Variants in TET1 observed in about 807,000 individuals in gnomAD.
The protein encoded by TET1 is methylcytosine dioxygenase TET1.
A neutral mutation model predicts 148.7 loss-of-function variants in TET1; 13 were observed. The observed-to-expected ratio is 0.09, with a 90% confidence interval of 0.06 to 0.14. The LOEUF is 0.14. Ranked by LOEUF, TET1 falls within the 10% of genes least tolerant of loss-of-function variation. TET1 has a pLI of 1.00. For synonymous variants in TET1, 907 were observed against 937.2 expected (o/e 0.97, Z 0.59); for missense variants, 2,182 against 2,553.8 (o/e 0.85, Z 3.14).
chr10:68,574,279 G>T, intron 2 of TET1, 27 bp downstream of exon 2: 1 of 1,576,060 alleles, frequency 6.3e-7, no homozygotes, highest in Non-Finnish European at 8.6e-7. Flanking sequence ...GGGGCTGGGA[G>T]ACAGCTGACA....
rs2054443240 is a variant in TET1 at position 68,624,672 on chromosome 10, CT to C, written c.1969-20025del. ...TCTTTCTTTCTTTCTCTCTCTCTCT[CT>C]CTCTCTCTCTCTCTCTCTCTCTCTT... On this transcript the variant is annotated intron_variant, in intron 3 of 11. Coordinates refer to ENST00000373644, the MANE Select transcript of TET1 (RefSeq NM_030625.3). Among the ~76,000 whole-genome samples the C allele has an allele frequency of 2.9e-5, 3 of 103,530 alleles. No homozygotes were observed. In the Admixed American group the frequency reaches 3.1e-4, roughly 11 times the overall value. The allele number at this position is 103,530 out of a possible 152,430, so 67.9% of individuals were successfully genotyped here.
intron 3 of TET1, among the ~76,000 whole-genome samples, chr10:68,623,544 G>C (rs1056212313): frequency 2.0e-5 from 3 of 152,180 alleles, no homozygotes; most frequent in Non-Finnish European, 4.4e-5. Context: ...GCCCTTGAAG[G>C]TCTCTTCTAC....
intron 3 of TET1, among the ~76,000 whole-genome samples, chr10:68,622,164 CCCTT>C (rs1198639936): frequency 0.079 from 9,815 of 123,814 alleles, 523 homozygotes; most frequent in Middle Eastern, 0.11. Context: ...GATACCTATG[CCCTT>C]CCTTCCTTCC....
intron 8 of TET1, among the ~76,000 whole-genome samples, chr10:68,678,938 A>T (rs1046146483): frequency 4.6e-5 from 7 of 151,356 alleles, no homozygotes; most frequent in African/African-American, 1.7e-4. Context: ...CACTTTGGAA[A>T]GCTGAGGCAG....
chr10:68,630,343 G>A (rs1220455800), intron 3 of TET1, among the ~76,000 whole-genome samples: 3 of 152,156 alleles, frequency 2.0e-5, no homozygotes, highest in East Asian at 3.9e-4. Context: ...ACGGAGTGTC[G>A]CTCTGTTGCC....
chr10:68,646,562 C>G lies in TET1; in HGVS notation c.3833C>G (p.Thr1278Ser). The change falls in exon 4 of 12, where the codon ACT (threonine) becomes AGT (serine). Residue 1278 changes from threonine to serine, a missense_variant. This residue lies in a region of TET1 where 582 missense variants were observed against 599.5 expected (regional missense o/e 0.97). Transcript: ENST00000373644. Reference protein sequence around the residue: ...LKTESNGKAFTDKAYNSQVQL... With the variant: ...LKTESNGKAFSDKAYNSQVQL... ...ACGGAATCCAACGGGAAGGCATTCA[C>G]TGATAAAGCTTATAATTCTCAGGTA... 3 of 1,614,170 alleles carry G rather than the reference C, an allele frequency of 1.9e-6. No homozygotes were observed. Among genetic ancestry groups the G allele is most frequent in the Non-Finnish European group, 2.5e-6 (3 of 1,180,046 alleles).
chr10:68,679,511 A>C (rs1384268915), intron 8 of TET1, among the ~76,000 whole-genome samples: 1 of 152,268 alleles, frequency 6.6e-6, no homozygotes, highest in African/African-American at 2.4e-5. Flanking sequence ...TTCCACTTGT[A>C]GTAAAACACG....
intron 4 of TET1, among the ~76,000 whole-genome samples, chr10:68,649,845 G>T (rs1014954819): frequency 6.6e-6 from 1 of 152,138 alleles, no homozygotes; most frequent in Admixed American, 6.6e-5. Flanking sequence ...ATAAATACCT[G>T]CAGGGGACTC....
At chr10:68,624,469 A>C (rs1025545717) in intron 3 of TET1, among the ~76,000 whole-genome samples, 1 of 151,294 alleles carries the variant, frequency 6.6e-6, no homozygotes, top group Non-Finnish European at 1.5e-5. Flanking sequence ...TTATATTTTT[A>C]GTAGAGGCAG....
At chr10:68,683,273 A>C (rs977127605) in intron 10 of TET1, among the ~76,000 whole-genome samples, 4 of 151,666 alleles carry the variant, frequency 2.6e-5, no homozygotes, top group African/African-American at 4.9e-5. Flanking sequence ...CTTTTTTTTA[A>C]ATTTATTTAT....
At position 68,652,019 on chromosome 10, in the gene TET1, C is replaced by A. The variant is rs1048548531; in HGVS notation, c.4367+83C>A. ...GATAAATCATCTCTAAGAACAAACG[C>A]CGTGATTGAAAAATGATCAGGAGTA... On this transcript the variant is annotated intron_variant, in intron 5 of 11. Transcript: ENST00000373644. 2 of 1,275,008 alleles carry A rather than the reference C, an allele frequency of 1.6e-6. No individual in the cohort carries two copies. The highest frequency in any genetic ancestry group is 2.2e-6 in the Non-Finnish European group (2 of 900,542). 79.0% of individuals were successfully genotyped at this position (1,275,008 alleles called of 1,614,324 possible).
At position 68,638,765 on chromosome 10, in the gene TET1, TTGTGTGTGTGTGTGTGTGTGTG is replaced by T. The variant is rs59106736; in HGVS notation, c.1969-5908_1969-5887del. On this transcript the variant is annotated intron_variant, in intron 3 of 11. Coordinates refer to ENST00000373644, the MANE Select transcript of TET1 (RefSeq NM_030625.3). The stretch of plus-strand genomic sequence containing the variant: ...ACAGGAAATACTGCATGTATGGAGT[TTGTGTGTGTGTGTGTGTGTGTG>T]TGTGTGTGTGTGTGTGTGTGTGTGG... Among the ~76,000 whole-genome samples the T allele has an allele frequency of 3.5e-5, 5 of 140,912 alleles. No individual in the cohort carries two copies. The South Asian group carries it at 9.6e-4, about 27-fold the overall frequency. 92.4% of individuals were successfully genotyped at this position (140,912 alleles called of 152,430 possible).
At position 68,573,015 on chromosome 10, in the gene TET1, G is replaced by A; in HGVS notation, c.677G>A (p.Gly226Glu). 6.2e-7 allele frequency: 1 copy of A among 1,614,104 alleles called. No homozygotes were observed. Among genetic ancestry groups the A allele is most frequent in the Non-Finnish European group, 8.5e-7 (1 of 1,180,030 alleles). Residue 226 changes from glycine to glutamate, a missense_variant, in exon 2 of 12, where the codon GGA becomes GAA. This residue lies in a region of TET1 where 665 missense variants were observed against 672.4 expected (regional missense o/e 0.99). Coordinates refer to ENST00000373644, the MANE Select transcript of TET1 (RefSeq NM_030625.3). ...CTGGAAGGGACACGCTGTGGTGAAGGACTATTCTCTGAAGAGACATTGAAT... is the reference window on the plus strand; with the variant it reads ...CTGGAAGGGACACGCTGTGGTGAAGAACTATTCTCTGAAGAGACATTGAAT... ...GPLEGTRCGE[G>E]LFSEETLNDT...
chr10:68,653,009 T>G (rs1369865091), intron 6 of TET1, among the ~76,000 whole-genome samples: 1 of 151,904 alleles, frequency 6.6e-6, no homozygotes, highest in Non-Finnish European at 1.5e-5. Flanking sequence ...CAAATATATT[T>G]TCTCAGTTTG....
At chr10:68,642,073 T>A (rs1419519058) in intron 3 of TET1, among the ~76,000 whole-genome samples, 3 of 152,244 alleles carry the variant, frequency 2.0e-5, no homozygotes, top group Non-Finnish European at 4.4e-5. Context: ...ATTGGAGTTA[T>A]CATTCTTTTT....
intron 3 of TET1, among the ~76,000 whole-genome samples, chr10:68,628,910 G>A (rs1049927446): frequency 2.6e-5 from 4 of 152,148 alleles, no homozygotes; most frequent in Non-Finnish European, 4.4e-5. Flanking sequence ...CCTTAAAACT[G>A]CAGTCTAATG....
chr10:68,663,809 GT>G (rs1275125994), intron 6 of TET1, among the ~76,000 whole-genome samples: 1 of 152,138 alleles, frequency 6.6e-6, no homozygotes, highest in East Asian at 1.9e-4. Context: ...TAAATACTTG[GT>G]TTTTCTGTTT....
intron 3 of TET1, among the ~76,000 whole-genome samples, chr10:68,643,914 A>T (rs1256325717): frequency 2.0e-5 from 3 of 150,040 alleles, no homozygotes; most frequent in Non-Finnish European, 4.4e-5. Context: ...TTTATTTTTT[A>T]TTTTTTTTGA....
intron 2 of TET1, among the ~76,000 whole-genome samples, chr10:68,600,409 A>G (rs1262016554): frequency 6.6e-6 from 1 of 152,184 alleles, no homozygotes; most frequent in East Asian, 1.9e-4. Context: ...GATCCTCTGC[A>G]GCGAACTCCA....
Sources: gnomAD v4.1 joint callset for allele counts (sites outside exome capture counted in the v4.1 genomes callset) on GRCh38, gnomAD v4.1.1 for gene constraint, gnomAD v4.1.1 regional missense constraint, MANE v1.5 for transcripts, NCBI Gene and HGNC (gene_info 2026-07-23, HGNC 2026-07-21) for gene names.